The following ADAMTS19 variants were observed in gnomAD, a reference collection of about 807,000 sequenced individuals.
ADAMTS19 encodes the protein ADAM metallopeptidase with thrombospondin type 1 motif 19.
A neutral mutation model predicts 153.3 loss-of-function variants in ADAMTS19; 93 were observed. The observed-to-expected ratio is 0.61, with a 90% CI of 0.51 to 0.72. The LOEUF is 0.72. ADAMTS19 is among the 30% of genes least tolerant of loss of function. The pLI, the probability that ADAMTS19 is intolerant of heterozygous loss-of-function variation, is 0.00. For missense variants in ADAMTS19, 1,482 were observed against 1,552.1 expected, an observed-to-expected ratio of 0.95 and a Z score of 0.76; for synonymous variants, 600 against 556.6, an observed-to-expected ratio of 1.08 and a Z score of -1.10.
At chr5:129,582,540 C>G (rs1347873424) in intron 7 of ADAMTS19, among the ~76,000 whole-genome samples, 1 of 151,526 alleles carries the variant, frequency 6.6e-6, no homozygotes, top group Non-Finnish European at 1.5e-5. Context: ...TGTTGACTAT[C>G]CAATCTCCTA....
chr5:129,490,722 T>C (rs1750737434), intron 2 of ADAMTS19, among the ~76,000 whole-genome samples: 1 of 152,146 alleles, frequency 6.6e-6, no homozygotes, highest in Non-Finnish European at 1.5e-5. Flanking sequence ...GATGTGTCAG[T>C]TTATCCCAGA....
At chr5:129,639,295 T>C (rs1561619901) in intron 10 of ADAMTS19, among the ~76,000 whole-genome samples, 1 of 152,162 alleles carries the variant, frequency 6.6e-6, no homozygotes, top group Non-Finnish European at 1.5e-5. Context: ...ATATCTGAGG[T>C]ATTCCACTTT....
chr5:129,498,953 T>C (rs1488213675), intron 2 of ADAMTS19, among the ~76,000 whole-genome samples: 1 of 152,030 alleles, frequency 6.6e-6, no homozygotes, highest in Non-Finnish European at 1.5e-5. Context: ...GGGGTCATTC[T>C]GTTTTCATCT....
intron 7 of ADAMTS19, among the ~76,000 whole-genome samples, chr5:129,582,582 T>A (rs1749568900): frequency 6.6e-6 from 1 of 152,074 alleles, no homozygotes; most frequent in Admixed American, 6.6e-5. Flanking sequence ...TTAATTTTTT[T>A]AATTTTTTGA....
At chr5:129,610,502 A>G (rs1337684865) in intron 8 of ADAMTS19, among the ~76,000 whole-genome samples, 1 of 151,734 alleles carries the variant, frequency 6.6e-6, no homozygotes, top group East Asian at 1.9e-4. Context: ...AAATGTTCTC[A>G]TTGTTCAATT....
intron 3 of ADAMTS19, among the ~76,000 whole-genome samples, chr5:129,525,393 C>G (rs1434536345): frequency 2.0e-5 from 3 of 151,918 alleles, no homozygotes; most frequent in Non-Finnish European, 4.4e-5. Context: ...TTGTATTTGC[C>G]TGAAGACCAG....
At chr5:129,567,021 G>A (rs915631032) in intron 7 of ADAMTS19, among the ~76,000 whole-genome samples, 12 of 152,100 alleles carry the variant, frequency 7.9e-5, no homozygotes, top group Admixed American at 2.6e-4. Flanking sequence ...AGAGCATGGA[G>A]AGGGAAGGGC....
intron 10 of ADAMTS19, among the ~76,000 whole-genome samples, chr5:129,637,714 G>A (rs147908664): frequency 1.2e-3 from 189 of 152,192 alleles, no homozygotes; most frequent in African/African-American, 4.0e-3. Context: ...GCATGGTGGC[G>A]GGTGCCTATG....
At chr5:129,486,962 A>T (rs1750618198) in intron 2 of ADAMTS19, among the ~76,000 whole-genome samples, 1 of 152,174 alleles carries the variant, frequency 6.6e-6, no homozygotes, top group African/African-American at 2.4e-5. Flanking sequence ...GTGCATGCAC[A>T]TGCATTTATC....
chr5:129,529,995 A>C (rs1752144260), intron 6 of ADAMTS19, among the ~76,000 whole-genome samples: 1 of 152,124 alleles, frequency 6.6e-6, no homozygotes, highest in African/African-American at 2.4e-5. Flanking sequence ...AGGCTTGGGT[A>C]TCATCTTGGA....
intron 2 of ADAMTS19, among the ~76,000 whole-genome samples, chr5:129,470,829 T>C (rs1482771029): frequency 6.6e-6 from 1 of 152,140 alleles, no homozygotes; most frequent in African/African-American, 2.4e-5. Context: ...TGCTTCTGCT[T>C]TTCTATTGTT....
chr5:129,556,492 T>G (rs1753315279), intron 7 of ADAMTS19, among the ~76,000 whole-genome samples: 1 of 152,080 alleles, frequency 6.6e-6, no homozygotes, highest in African/African-American at 2.4e-5. Context: ...TCCTCAAGAG[T>G]GTATTTGCCC....
At chr5:129,462,510 G>A (rs1414023113) in intron 2 of ADAMTS19, among the ~76,000 whole-genome samples, 1 of 152,104 alleles carries the variant, frequency 6.6e-6, no homozygotes, top group Non-Finnish European at 1.5e-5. Context: ...GAAAGTAAAA[G>A]CCATTTGCTC....
At chr5:129,564,546 G>C (rs1486564217) in intron 7 of ADAMTS19, among the ~76,000 whole-genome samples, 1 of 152,168 alleles carries the variant, frequency 6.6e-6, no homozygotes, top group Non-Finnish European at 1.5e-5. Flanking sequence ...AATTGGAAGA[G>C]ATTTTCATTT....
chr5:129,685,095 A>C (rs1421264677), intron 18 of ADAMTS19, among the ~76,000 whole-genome samples: 1 of 152,178 alleles, frequency 6.6e-6, no homozygotes, highest in Non-Finnish European at 1.5e-5. Flanking sequence ...TCAAGTAAGC[A>C]GTTAGGTATA....
Position 129,461,362 on chromosome 5 carries a change from G to A in ADAMTS19, c.352G>A (p.Glu118Lys). ...RLRPPPPSEGEEDEELESQEL... is the reference protein window; with the variant it reads ...RLRPPPPSEGKEDEELESQEL... ...CCGGCCCCCGCCGCCGTCGGAGGGT[G>A]AGGAGGACGAGGAGCTCGAGTCGCA... Residue 118 changes from glutamate (E) to lysine (K), a missense_variant, in exon 2 of 23, where the codon GAG becomes AAG. By Grantham distance (56) the Glu-to-Lys change is moderately conservative. Around this residue, in one of 2 missense-constraint regions of ADAMTS19, gnomAD observed 866 missense variants for 827.7 expected, o/e 1.05. Coordinates refer to ENST00000274487, the MANE Select transcript of ADAMTS19 (RefSeq NM_133638.6). The surrounding 1 kb of genome is among the most constrained non-coding windows in gnomAD (Gnocchi z 4.6). 2.2e-6 allele frequency: 3 copies of A among 1,341,790 alleles called. No individual in the cohort carries two copies. Among genetic ancestry groups the A allele is most frequent in the Non-Finnish European group, 2.8e-6 (3 of 1,056,718 alleles). 83.1% of individuals were successfully genotyped at this position (1,341,790 alleles called of 1,614,324 possible).
intron 6 of ADAMTS19, among the ~76,000 whole-genome samples, chr5:129,539,735 T>G (rs1474981694): frequency 6.6e-6 from 1 of 152,140 alleles, no homozygotes; most frequent in Non-Finnish European, 1.5e-5. Flanking sequence ...AAACATGTGC[T>G]GTAATAGTAT....
At chr5:129,512,397 G>T (rs1034620280) in intron 3 of ADAMTS19, among the ~76,000 whole-genome samples, 2 of 151,942 alleles carry the variant, frequency 1.3e-5, no homozygotes, top group African/African-American at 4.8e-5. Flanking sequence ...GGAAGTGTAC[G>T]GTATCAACTG....
chr5:129,717,518 A>G (rs1228431125), intron 21 of ADAMTS19, among the ~76,000 whole-genome samples: 1 of 152,220 alleles, frequency 6.6e-6, no homozygotes, highest in Non-Finnish European at 1.5e-5. Context: ...CTATTTGAAA[A>G]TATGTTTTTA....
Sources: gnomAD v4.1 joint callset for allele counts (sites outside exome capture counted in the v4.1 genomes callset) on GRCh38, gnomAD v4.1.1 for gene constraint, gnomAD v4.1.1 regional missense constraint, Gnocchi (gnomAD v3.1) non-coding constraint, MANE v1.5 for transcripts, NCBI Gene and HGNC (gene_info 2026-07-23, HGNC 2026-07-21) for gene names.